The following SUMF1 variants were observed in gnomAD, a reference collection of about 807,000 sequenced individuals.
SUMF1 encodes sulfatase modifying factor 1.
A neutral mutation model predicts 47.6 loss-of-function variants in SUMF1; 48 were observed. The observed-to-expected ratio is 1.01, with a 90% CI of 0.80 to 1.28. The LOEUF (loss-of-function observed/expected upper bound fraction) is 1.28. Among genes scored for constraint, SUMF1 ranks in the 50% most tolerant of loss-of-function variants. The pLI is 0.00. For missense variants in SUMF1, 571 were observed against 485.4 expected (o/e 1.18, Z -1.66); for synonymous variants, 230 against 192.1 (o/e 1.20, Z -1.63).
intron 8 of SUMF1, among the ~76,000 whole-genome samples, chr3:4,172,577 A>T (rs1694857101): frequency 6.6e-6 from 1 of 152,144 alleles, no homozygotes; most frequent in Non-Finnish European, 1.5e-5. Context: ...GATGGGGTTA[A>T]GTTACTTGCC....
At chr3:4,265,740 C>G (rs1015108059) in intron 8 of SUMF1, among the ~76,000 whole-genome samples, 2 of 152,126 alleles carry the variant, frequency 1.3e-5, no homozygotes, top group Non-Finnish European at 2.9e-5. Context: ...TTAATTAGAA[C>G]CCATTTGTCA....
At chr3:4,038,429 G>T (rs1358444856) in intron 9 of SUMF1, among the ~76,000 whole-genome samples, 4 of 152,148 alleles carry the variant, frequency 2.6e-5, no homozygotes, top group Non-Finnish European at 5.9e-5. Context: ...TCCTTCATTA[G>T]ACTGAGGGTA....
At chr3:4,162,892 T>C (rs764469128) in intron 8 of SUMF1, among the ~76,000 whole-genome samples, 1 of 144,724 alleles carries the variant, frequency 6.9e-6, no homozygotes, top group Non-Finnish European at 1.5e-5. Flanking sequence ...GCCATCTCAC[T>C]GTGCCTCCCT....
At chr3:4,336,570 G>C (rs916059823) in intron 8 of SUMF1, among the ~76,000 whole-genome samples, 1 of 152,128 alleles carries the variant, frequency 6.6e-6, no homozygotes, top group Non-Finnish European at 1.5e-5. Context: ...TTGAGGTCCC[G>C]ATAGTCTACT....
In SUMF1 at chr3:4,128,644, G is replaced by A. The variant is rs367950981; in HGVS notation, c.1015-59899C>T. Among the ~76,000 whole-genome samples the A allele has an allele frequency of 5.4e-4, 82 of 152,276 alleles. 1 individual carries two copies. Among genetic ancestry groups the A allele is most frequent in the African/African-American group, 1.3e-3 (56 of 41,542 alleles). Reference sequence around the variant, plus strand: ...GGCACTTAGAAGTTAGGTTCAGAGCGTGACCCATGAAAAGGTGTGCTACAC... The same window carrying A: ...GGCACTTAGAAGTTAGGTTCAGAGCATGACCCATGAAAAGGTGTGCTACAC... On this transcript the variant is annotated intron_variant and NMD_transcript_variant, in intron 8 of 12. Coordinates refer to the SUMF1 transcript ENST00000448413.
intron 8 of SUMF1, among the ~76,000 whole-genome samples, chr3:4,279,965 G>T (rs1487299009): frequency 6.6e-6 from 1 of 152,016 alleles, no homozygotes; most frequent in East Asian, 1.9e-4. Context: ...CCTTAAAGCT[G>T]TATTCTTTAA....
At chr3:4,069,903 T>C (rs1428616050) in intron 8 of SUMF1, among the ~76,000 whole-genome samples, 3 of 152,174 alleles carry the variant, frequency 2.0e-5, no homozygotes, top group Non-Finnish European at 2.9e-5. Flanking sequence ...TTCCCCTTTG[T>C]TTTCCTTACT....
chr3:4,163,336 G>A (rs1694621917), intron 8 of SUMF1, among the ~76,000 whole-genome samples: 1 of 100,616 alleles, frequency 9.9e-6, no homozygotes, highest in East Asian at 2.9e-4. Flanking sequence ...ATGCAGATGA[G>A]AGAGAGAGAG....
chr3:4,303,961 C>G (rs1054046707), intron 8 of SUMF1: 9 of 865,964 alleles, frequency 1.0e-5, no homozygotes, highest in Admixed American at 4.1e-5. Context: ...GTCTCCCTCA[C>G]GCTGTGGGCT....
At chr3:4,188,051 C>T (rs1233077655) in intron 8 of SUMF1, among the ~76,000 whole-genome samples, 1 of 152,018 alleles carries the variant, frequency 6.6e-6, no homozygotes, top group Non-Finnish European at 1.5e-5. Flanking sequence ...CTCATATACC[C>T]CCTACACACA....
rs190886169 is a variant in SUMF1, at chr3:4,114,463, T to G, written c.1015-45718A>C. On this transcript the variant is annotated intron_variant and NMD_transcript_variant, in intron 8 of 12. Transcript: ENST00000448413. Reference sequence around the variant, plus strand: ...ATCAAAGGTTAAGTGTAACTGTTCATATGATTTTTAGAATCCTTAATATGC... The same window carrying G: ...ATCAAAGGTTAAGTGTAACTGTTCAGATGATTTTTAGAATCCTTAATATGC... Among the ~76,000 whole-genome samples, 17 of 152,324 alleles carry G rather than the reference T, an allele frequency of 1.1e-4. No homozygotes were observed. The East Asian group carries it at 3.3e-3, about 29-fold the overall frequency.
At chr3:4,177,992 A>G (rs1695004611) in intron 8 of SUMF1, among the ~76,000 whole-genome samples, 1 of 152,212 alleles carries the variant, frequency 6.6e-6, no homozygotes, top group Non-Finnish European at 1.5e-5. Flanking sequence ...CTAAACCAGG[A>G]AGAAGTAAAA....
intron 8 of SUMF1, among the ~76,000 whole-genome samples, chr3:4,132,331 T>C (rs1056758353): frequency 6.6e-6 from 1 of 152,064 alleles, no homozygotes; most frequent in African/African-American, 2.4e-5. Context: ...TCCTATCATG[T>C]TCCCCATCAT....
At chr3:4,316,309 A>G (rs1474117353) in intron 8 of SUMF1, 4 of 1,145,192 alleles carry the variant, frequency 3.5e-6, no homozygotes, top group South Asian at 1.3e-5. Context: ...CGCAACATCA[A>G]CAATGCATTT....
At chr3:4,217,064 C>T (rs1295603681) in intron 8 of SUMF1, among the ~76,000 whole-genome samples, 1 of 152,098 alleles carries the variant, frequency 6.6e-6, no homozygotes, top group Non-Finnish European at 1.5e-5. Context: ...CACATGCACA[C>T]GTATGTTTAT....
chr3:4,340,134 C>T (rs1294050902), intron 8 of SUMF1, among the ~76,000 whole-genome samples: 3 of 152,096 alleles, frequency 2.0e-5, no homozygotes, highest in Non-Finnish European at 4.4e-5. Flanking sequence ...CAAACACACA[C>T]ACGCACTGCT....
At chr3:4,256,978 T>A (rs1696970062) in intron 8 of SUMF1, among the ~76,000 whole-genome samples, 1 of 125,500 alleles carries the variant, frequency 8.0e-6, no homozygotes, top group African/African-American at 3.5e-5. Flanking sequence ...ATAAATGTAA[T>A]CCAGCATATA....
At chr3:4,430,323 C>T (rs545807442) in intron 3 of SUMF1, among the ~76,000 whole-genome samples, 13 of 152,080 alleles carry the variant, frequency 8.5e-5, no homozygotes, top group African/African-American at 2.4e-4. Context: ...TCTTGAGTAA[C>T]GGGACAGATA....
chr3:4,226,118 T>A (rs530541229), intron 8 of SUMF1, among the ~76,000 whole-genome samples: 1 of 152,248 alleles, frequency 6.6e-6, no homozygotes, highest in South Asian at 2.1e-4. Flanking sequence ...TCGCCATTTA[T>A]AAGCAATAAT....
Sources: allele counts gnomAD v4.1 joint callset (sites outside exome capture counted in the v4.1 genomes callset), GRCh38; gene constraint gnomAD v4.1.1; transcripts MANE v1.5; gene names NCBI Gene and HGNC (gene_info 2026-07-23, HGNC 2026-07-21).